Variants in ASIC2 observed in about 807,000 individuals in gnomAD.
ASIC2 encodes the protein acid-sensing ion channel 2.
In ASIC2, 25 loss-of-function variants were observed where a neutral mutation model predicts 57.3. The ratio of observed to expected loss-of-function variants is 0.44; its 90% CI spans 0.32 to 0.61. ASIC2 has a LOEUF of 0.61. Ranked by LOEUF, ASIC2 falls within the 20% of genes least tolerant of loss-of-function variation. The pLI, the probability that ASIC2 is intolerant of heterozygous loss-of-function variation, is 0.06. For missense variants in ASIC2, 641 were observed against 738.1 expected (o/e 0.87, Z 1.52); for synonymous variants, 319 against 307.5 (o/e 1.04, Z -0.39).
chr17:33,167,520 T>C (rs1905348149), intron 1 of ASIC2, among the ~76,000 whole-genome samples: 1 of 152,196 alleles, frequency 6.6e-6, no homozygotes, highest in Non-Finnish European at 1.5e-5. Flanking sequence ...TCTCCAGTTT[T>C]TGTGTCTCTT....
chr17:33,605,248 C>T (rs904856944), intron 1 of ASIC2, among the ~76,000 whole-genome samples: 3 of 152,220 alleles, frequency 2.0e-5, no homozygotes, highest in East Asian at 1.9e-4. Flanking sequence ...AGTGCAGAAG[C>T]GGGTCTCTGC....
chr17:33,669,100 T>C (rs1907568571), intron 1 of ASIC2, among the ~76,000 whole-genome samples: 1 of 152,208 alleles, frequency 6.6e-6, no homozygotes, highest in Admixed American at 6.5e-5. Flanking sequence ...TTTGTTGATC[T>C]ATTTCTTTTG....
chr17:33,719,543 T>G (rs1219846640), intron 1 of ASIC2, among the ~76,000 whole-genome samples: 1 of 152,234 alleles, frequency 6.6e-6, no homozygotes, highest in Non-Finnish European at 1.5e-5. Flanking sequence ...GATGTTTTGC[T>G]GCCATCTGCT....
intron 1 of ASIC2, among the ~76,000 whole-genome samples, chr17:34,133,710 A>C (rs1912056908): frequency 6.6e-6 from 1 of 152,226 alleles, no homozygotes. Flanking sequence ...TGCTGTATGC[A>C]AAGTGATTTC....
At chr17:33,917,880 ACG>A (rs1915618667) in intron 1 of ASIC2, among the ~76,000 whole-genome samples, 2 of 141,990 alleles carry the variant, frequency 1.4e-5, no homozygotes, top group Admixed American at 7.1e-5. Flanking sequence ...ACACACACAC[ACG>A]TGCATGTGCA....
chr17:33,062,859 A>G (rs62068314), intron 3 of ASIC2, among the ~76,000 whole-genome samples: 1 of 100,834 alleles, frequency 9.9e-6, no homozygotes. Context: ...TATTGGGTGC[A>G]TATATATTTA....
intron 1 of ASIC2, among the ~76,000 whole-genome samples, chr17:33,546,771 C>T (rs1915590994): frequency 6.6e-6 from 1 of 152,164 alleles, no homozygotes; most frequent in Admixed American, 6.5e-5. Context: ...ACATTTCTCT[C>T]TCCTCTTACA....
chr17:33,231,579 TG>T (rs1218941614), intron 1 of ASIC2, among the ~76,000 whole-genome samples: 1 of 152,124 alleles, frequency 6.6e-6, no homozygotes, highest in East Asian at 1.9e-4. Flanking sequence ...CCAGACTTGA[TG>T]GGCCCTCACT....
chr17:33,348,025 C>T (rs1908021093), intron 1 of ASIC2, among the ~76,000 whole-genome samples: 1 of 152,104 alleles, frequency 6.6e-6, no homozygotes, highest in African/African-American at 2.4e-5. Context: ...TCGCTTGAAC[C>T]CAGGAAGTAG....
At chr17:33,975,596 A>G (rs538036580) in intron 1 of ASIC2, among the ~76,000 whole-genome samples, 1 of 152,292 alleles carries the variant, frequency 6.6e-6, no homozygotes, top group Admixed American at 6.5e-5. Flanking sequence ...CATGGAATCA[A>G]GGTCATAAAT....
rs185023448 is a variant in ASIC2, at chr17:33,545,327, G to A, written c.556-433260C>T. On this transcript the variant is annotated intron_variant, in intron 1 of 9. Coordinates refer to the ASIC2 transcript ENST00000359872. ...GACCCAGTCCACACATGTATGGGCT[G>A]TGATGACTTCCTTGTGACTTGCTGT... Among the ~76,000 whole-genome samples the A allele has an allele frequency of 4.5e-4, 68 of 152,264 alleles. 1 individual carries two copies. The highest frequency in any genetic ancestry group is 8.8e-5 in the Non-Finnish European group (6 of 68,030).
At chr17:33,313,735 T>C (rs1253020932) in intron 1 of ASIC2, among the ~76,000 whole-genome samples, 1 of 152,140 alleles carries the variant, frequency 6.6e-6, no homozygotes, top group African/African-American at 2.4e-5. Context: ...TTCTTGTACT[T>C]GCCCATTACA....
chr17:33,545,461 T>C (rs1048916407), intron 1 of ASIC2, among the ~76,000 whole-genome samples: 1 of 152,198 alleles, frequency 6.6e-6, no homozygotes, highest in African/African-American at 2.4e-5. Context: ...CAGCATATTT[T>C]ACCCGAGACG....
At chr17:33,453,961 G>C (rs368007513) in intron 1 of ASIC2, among the ~76,000 whole-genome samples, 6 of 152,226 alleles carry the variant, frequency 3.9e-5, no homozygotes, top group African/African-American at 1.4e-4. Flanking sequence ...TGAATCAATA[G>C]GTCATTCCTT....
intron 1 of ASIC2, among the ~76,000 whole-genome samples, chr17:33,260,683 C>T (rs1909247427): frequency 6.6e-6 from 1 of 152,212 alleles, no homozygotes; most frequent in African/African-American, 2.4e-5. Flanking sequence ...ACCCTGCAGG[C>T]CAGAGATGCC....
intron 1 of ASIC2, among the ~76,000 whole-genome samples, chr17:33,577,327 G>A (rs1011142888): frequency 1.3e-5 from 2 of 152,170 alleles, no homozygotes; most frequent in Non-Finnish European, 1.5e-5. Flanking sequence ...AGCTTCAGAA[G>A]AGACTGAAGC....
At chr17:33,184,995 T>A (rs932402563) in intron 1 of ASIC2, among the ~76,000 whole-genome samples, 1 of 152,218 alleles carries the variant, frequency 6.6e-6, no homozygotes, top group Non-Finnish European at 1.5e-5. Flanking sequence ...TTTGAGAGCA[T>A]TAATGAAAGA....
intron 3 of ASIC2, among the ~76,000 whole-genome samples, chr17:33,067,483 T>C (rs952177503): frequency 1.3e-5 from 2 of 152,122 alleles, no homozygotes; most frequent in African/African-American, 4.8e-5. Context: ...GGTTCAGAGA[T>C]GGGAATCTGC....
At chr17:33,311,682 G>A (rs933397437) in intron 1 of ASIC2, among the ~76,000 whole-genome samples, 9 of 152,172 alleles carry the variant, frequency 5.9e-5, no homozygotes, top group Non-Finnish European at 1.3e-4. Context: ...GGTGCAGGTA[G>A]GAGTGGGGTG....
Sources: gnomAD v4.1 joint callset for allele counts (sites outside exome capture counted in the v4.1 genomes callset) on GRCh38, gnomAD v4.1.1 for gene constraint, MANE v1.5 for transcripts, NCBI Gene and HGNC (gene_info 2026-07-23, HGNC 2026-07-21) for gene names.